The following SUCLA2 variants were observed in gnomAD, a reference collection of about 807,000 sequenced individuals.
SUCLA2 encodes the protein succinate--CoA ligase [ADP-forming] subunit beta, mitochondrial.
A neutral mutation model predicts 54.8 loss-of-function variants in SUCLA2; 30 were observed. The ratio of observed to expected loss-of-function variants is 0.55; its 90% CI spans 0.41 to 0.74. The LOEUF (loss-of-function observed/expected upper bound fraction) is 0.74. Among genes scored for constraint, SUCLA2 ranks in the 30% least tolerant of loss-of-function variants. The probability of loss-of-function intolerance (pLI) is 0.00; values close to 1 mark genes in which losing one functional copy is unlikely to be tolerated. For synonymous variants in SUCLA2, 172 were observed against 188.9 expected, an observed-to-expected ratio of 0.91 and a Z score of 0.74; for missense variants, 476 against 562.9, an observed-to-expected ratio of 0.85 and a Z score of 1.56.
chr13:47,951,184 G>A (rs967595366), intron 8 of SUCLA2, among the ~76,000 whole-genome samples: 18 of 152,112 alleles, frequency 1.2e-4, no homozygotes, highest in Non-Finnish European at 2.9e-5. Flanking sequence ...GCCAGAATGA[G>A]TGTCTCTAGA....
intron 2 of SUCLA2, among the ~76,000 whole-genome samples, chr13:47,995,749 A>C (rs896517620): frequency 6.6e-6 from 1 of 152,194 alleles, no homozygotes; most frequent in African/African-American, 2.4e-5. Flanking sequence ...AAATACTGCT[A>C]AAAAGAAACT....
chr13:47,943,462 A>G lies in SUCLA2; in HGVS notation c.1318-17T>C. 6.2e-7 allele frequency: 1 copy of G among 1,613,232 alleles called. No homozygotes were observed. Among genetic ancestry groups the G allele is most frequent in the Non-Finnish European group, 8.5e-7 (1 of 1,179,294 alleles). On this transcript the variant is annotated splice_polypyrimidine_tract_variant and intron_variant, in intron 10 of 10. Transcript: ENST00000646932. ...CTTTACAACCTAAAAGAAAAGAACG[A>G]AGAATTTTCACAAAAAGGTAAATTC...
chr13:47,988,778 T>C, intron 3 of SUCLA2, 75 bp from the exon 4 acceptor site: 1 of 1,597,028 alleles, frequency 6.3e-7, no homozygotes, highest in Non-Finnish European at 8.6e-7. Flanking sequence ...TAGCCAAAAT[T>C]TTATCTCATC....
chr13:47,948,881 T>C, intron 10 of SUCLA2, 59 bp downstream of exon 10: 1 of 1,464,216 alleles, frequency 6.8e-7, no homozygotes, highest in Non-Finnish European at 9.6e-7. Flanking sequence ...TATTAATAAT[T>C]AGGTTCATTT....
intron 6 of SUCLA2, among the ~76,000 whole-genome samples, chr13:47,960,012 T>C (rs1949855900): frequency 6.6e-6 from 1 of 152,106 alleles, no homozygotes; most frequent in Non-Finnish European, 1.5e-5. Context: ...TATGGTGATA[T>C]TGGTGGACTT....
At chr13:47,974,679 G>A (rs1338503734) in intron 4 of SUCLA2, among the ~76,000 whole-genome samples, 3 of 152,060 alleles carry the variant, frequency 2.0e-5, no homozygotes, top group Non-Finnish European at 2.9e-5. Flanking sequence ...AGAAGGTAAG[G>A]TATCAATACT....
Position 47,973,357 on chromosome 13 carries a change from G to C in SUCLA2, c.570C>G (p.Val190=). 2.5e-6 allele frequency: 4 copies of C among 1,613,536 alleles called. No individual in the cohort carries two copies. Among genetic ancestry groups the C allele is most frequent in the Middle Eastern group, 1.7e-4 (1 of 6,058 alleles). ...PVLIGSSHGG[V]NIEDVAAESP... is the part of the protein sequence containing the mutation. ...ACTCAGCAGCAACATCTTCAATGTT[G>C]ACACCACCATGTGAACTTCCTATTA... Residue 190 remains valine (V), a synonymous_variant, in exon 5 of 11, where the codon GTC becomes GTG. Transcript: ENST00000646932.
At chr13:47,989,129 A>T in intron 2 of SUCLA2, 148 bp from the exon 3 acceptor site, 3 of 768,072 alleles carry the variant, frequency 3.9e-6, no homozygotes, top group Non-Finnish European at 6.4e-6. Flanking sequence ...CTCTTTATGT[A>T]GATTTTCTAG....
At chr13:47,992,154 T>C (rs1035122033) in intron 2 of SUCLA2, among the ~76,000 whole-genome samples, 15 of 152,200 alleles carry the variant, frequency 9.9e-5, no homozygotes, top group African/African-American at 3.4e-4. Flanking sequence ...ATAGTTACAC[T>C]GTGCTTTACT....
intron 2 of SUCLA2, among the ~76,000 whole-genome samples, chr13:47,989,595 G>C (rs1372364423): frequency 6.6e-6 from 1 of 152,138 alleles, no homozygotes; most frequent in Non-Finnish European, 1.5e-5. Flanking sequence ...TGACACTTTG[G>C]AAAGTGTCAT....
At chr13:47,996,387 C>G (rs1950191577) in intron 2 of SUCLA2, among the ~76,000 whole-genome samples, 2 of 151,286 alleles carry the variant, frequency 1.3e-5, no homozygotes, top group Non-Finnish European at 1.5e-5. Flanking sequence ...TTCTAGCACT[C>G]TACTTTTTGT....
rs1472383185 is a variant in SUCLA2 at position 47,968,681 on chromosome 13, T to A, written c.716A>T (p.Asn239Ile). 1.2e-6 allele frequency: 2 copies of A among 1,612,034 alleles called. No homozygotes were observed. Among genetic ancestry groups the A allele is most frequent in the Admixed American group, 3.3e-5 (2 of 59,998 alleles). Residue 239 changes from asparagine to isoleucine, a missense_variant, in exon 6 of 11, where the codon AAC (asparagine) becomes ATC (isoleucine). Physicochemically the swap from Asn to Ile is moderately radical, Grantham distance 149. This residue lies in a region of SUCLA2 where 342 missense variants were observed against 444.2 expected (regional missense o/e 0.77). Transcript: ENST00000646932. ...AAAAAGGCTGTAAAGCTTGACCATG[T>A]TTTCTGCTGCTGATTCCACAATATT... The part of the protein sequence containing the change: ...PPNIVESAAE[N>I]MVKLYSLFLK...
intron 4 of SUCLA2, among the ~76,000 whole-genome samples, chr13:47,980,961 G>C (rs1950056654): frequency 6.6e-6 from 1 of 151,814 alleles, no homozygotes; most frequent in South Asian, 2.1e-4. Context: ...ATAGATTAAA[G>C]ACCTAAACAT....
chr13:47,988,875 G>T lies in SUCLA2; in HGVS notation c.371+7C>A. 6.2e-7 allele frequency: 1 copy of T among 1,611,314 alleles called. No individual in the cohort carries two copies. Among genetic ancestry groups the T allele is most frequent in the South Asian group, 1.1e-5 (1 of 90,918 alleles). ...AGGATGATTTTTCCTTAAAAAATGT[G>T]ACTTACGAGAAAACTATCTTCACTC... On this transcript the variant is annotated splice_region_variant and intron_variant, in intron 3 of 10. Transcript: ENST00000646932.
At chr13:47,968,458 TTCTA>T in intron 6 of SUCLA2, 133 bp downstream of exon 6, 1 of 950,202 alleles carries the variant, frequency 1.1e-6, no homozygotes, top group Non-Finnish European at 1.6e-6. Context: ...TTCATATTCA[TTCTA>T]TCTGATTTTT....
chr13:47,972,225 A>T, intron 5 of SUCLA2: 1 of 247,942 alleles, frequency 4.0e-6, no homozygotes, highest in Non-Finnish European at 7.6e-6. Context: ...ACTGCACTCC[A>T]GCCTAGGTAA....
At chr13:47,999,159 C>T (rs1432005544) in intron 1 of SUCLA2, among the ~76,000 whole-genome samples, 1 of 152,058 alleles carries the variant, frequency 6.6e-6, no homozygotes, top group Non-Finnish European at 1.5e-5. Flanking sequence ...GAAAATGTCA[C>T]AAGGTCTCAT....
chr13:47,980,658 A>G (rs1400940114), intron 4 of SUCLA2, among the ~76,000 whole-genome samples: 1 of 152,060 alleles, frequency 6.6e-6, no homozygotes, highest in East Asian at 1.9e-4. Flanking sequence ...AGAAAAAAAA[A>G]GAAACTAGAG....
chr13:47,948,262 G>A (rs1355367265), intron 10 of SUCLA2, among the ~76,000 whole-genome samples: 5 of 152,218 alleles, frequency 3.3e-5, no homozygotes, highest in South Asian at 4.1e-4. Flanking sequence ...GATATAAGAC[G>A]TTCTGACAAA....
Sources: gnomAD v4.1 joint callset for allele counts (sites outside exome capture counted in the v4.1 genomes callset) on GRCh38, gnomAD v4.1.1 for gene constraint, gnomAD v4.1.1 regional missense constraint, MANE v1.5 for transcripts, NCBI Gene and HGNC (gene_info 2026-07-23, HGNC 2026-07-21) for gene names.